Variants in CALN1 observed in about 807,000 individuals in gnomAD.
CALN1 encodes calneuron 1.
A neutral mutation model predicts 30.6 loss-of-function variants in CALN1; 17 were observed. The observed-to-expected ratio is 0.56, with a 90% CI of 0.38 to 0.83. The LOEUF (loss-of-function observed/expected upper bound fraction) is 0.83. Among genes scored for constraint, CALN1 ranks in the 40% least tolerant of loss-of-function variants. CALN1 has a pLI of 0.00. For synonymous variants in CALN1, 156 were observed against 131.4 expected, an observed-to-expected ratio of 1.19 and a Z score of -1.28; for missense variants, 291 against 354.9, an observed-to-expected ratio of 0.82 and a Z score of 1.45.
intron 5 of CALN1, among the ~76,000 whole-genome samples, chr7:71,928,621 C>T (rs901402849): frequency 7.9e-5 from 12 of 152,096 alleles, no homozygotes; most frequent in African/African-American, 2.7e-4. Flanking sequence ...AGTTCACATA[C>T]CATATCTTTC....
At chr7:72,094,826 A>G (rs144150906) in intron 4 of CALN1, among the ~76,000 whole-genome samples, 40 of 152,318 alleles carry the variant, frequency 2.6e-4, no homozygotes, top group African/African-American at 8.7e-4. Context: ...ACTGTCTTCA[A>G]TTCACATCCT....
chr7:72,424,944 T>G (rs539921840), intron 1 of CALN1, among the ~76,000 whole-genome samples: 1 of 151,854 alleles, frequency 6.6e-6, no homozygotes, highest in African/African-American at 2.4e-5. Flanking sequence ...CTCAAGCGGG[T>G]GTAAGGCTGG....
At chr7:72,397,667 GATCTCACT>G (rs1374984322) in intron 2 of CALN1, among the ~76,000 whole-genome samples, 3 of 150,174 alleles carry the variant, frequency 2.0e-5, no homozygotes, top group Non-Finnish European at 4.4e-5. Context: ...TCAAGTGAAG[GATCTCACT>G]GCTCCTCTTG....
chr7:72,177,616 T>G (rs1789451941), intron 3 of CALN1, among the ~76,000 whole-genome samples: 1 of 151,750 alleles, frequency 6.6e-6, no homozygotes, highest in South Asian at 2.1e-4. Context: ...AATACAAAAA[T>G]TAGCTGGGCG....
the CALN1 span, among the ~76,000 whole-genome samples, chr7:72,499,237 G>A: frequency 6.6e-6 from 1 of 152,010 alleles, no homozygotes; most frequent in Non-Finnish European, 1.5e-5. Context: ...CACCATGTTG[G>A]CCAAGCTGGT....
chr7:71,937,460 T>G (rs1353077671), intron 5 of CALN1, among the ~76,000 whole-genome samples: 3 of 151,610 alleles, frequency 2.0e-5, no homozygotes, highest in Non-Finnish European at 4.4e-5. Context: ...TATATATATA[T>G]AGATGTATAA....
At chr7:71,971,930 C>CAAAAAA (rs764756514) in intron 5 of CALN1, among the ~76,000 whole-genome samples, 2 of 38,550 alleles carry the variant, frequency 5.2e-5, no homozygotes, top group African/African-American at 8.8e-5. Context: ...GACCCTGTCT[C>CAAAAAA]AAAAAAAAAA....
chr7:72,235,785 C>G (rs574526101), intron 3 of CALN1, among the ~76,000 whole-genome samples: 1 of 151,952 alleles, frequency 6.6e-6, no homozygotes, highest in East Asian at 1.9e-4. Flanking sequence ...CCATGTAGCC[C>G]TGGAAGGCCA....
At chr7:72,132,113 T>C (rs1021794663) in intron 3 of CALN1, among the ~76,000 whole-genome samples, 6 of 152,204 alleles carry the variant, frequency 3.9e-5, no homozygotes, top group African/African-American at 1.4e-4. Context: ...AATATCGCTC[T>C]ATAGATGCCC....
intron 5 of CALN1, among the ~76,000 whole-genome samples, chr7:71,883,131 ATATC>A (rs1266243115): frequency 1.3e-5 from 2 of 152,070 alleles, no homozygotes; most frequent in Non-Finnish European, 2.9e-5. Flanking sequence ...CTATAGCTCT[ATATC>A]TATATAAATC....
intron 2 of CALN1, among the ~76,000 whole-genome samples, chr7:72,384,256 T>A (rs1805077078): frequency 6.6e-6 from 1 of 151,958 alleles, no homozygotes; most frequent in African/African-American, 2.4e-5. Flanking sequence ...GGGAGGTGAG[T>A]GAATGTCTGC....
chr7:72,050,922 GTGGAGGT>G (rs774827955), intron 4 of CALN1, among the ~76,000 whole-genome samples: 1 of 151,824 alleles, frequency 6.6e-6, no homozygotes, highest in Non-Finnish European at 1.5e-5. Context: ...AACCCAGGAG[GTGGAGGT>G]TGCAGCGAGC....
intron 5 of CALN1, among the ~76,000 whole-genome samples, chr7:71,959,002 T>C (rs1361835950): frequency 6.6e-6 from 1 of 152,212 alleles, no homozygotes; most frequent in Non-Finnish European, 1.5e-5. Context: ...GGCTTTCACA[T>C]GCCTGTATTT....
chr7:71,991,755 A>C (rs1798966953), intron 5 of CALN1, among the ~76,000 whole-genome samples: 1 of 152,260 alleles, frequency 6.6e-6, no homozygotes, highest in Non-Finnish European at 1.5e-5. Flanking sequence ...TTTTACTTAG[A>C]GGAAGGTTGT....
chr7:72,358,519 C>T (rs1803373887), intron 2 of CALN1, among the ~76,000 whole-genome samples: 1 of 152,200 alleles, frequency 6.6e-6, no homozygotes, highest in Non-Finnish European at 1.5e-5. Flanking sequence ...GGTACATGTC[C>T]TAATTCTGGG....
chr7:72,181,096 A>ACCCCCCCCCC (rs199527098), intron 3 of CALN1, among the ~76,000 whole-genome samples: 2 of 74,610 alleles, frequency 2.7e-5, no homozygotes, highest in African/African-American at 1.0e-4. Context: ...AAACTGCATA[A>ACCCCCCCCCC]CCCCCCCCCC....
chr7:72,182,636 C>T (rs1038990524), intron 3 of CALN1, among the ~76,000 whole-genome samples: 1 of 151,904 alleles, frequency 6.6e-6, no homozygotes, highest in Non-Finnish European at 1.5e-5. Context: ...GGGAGAATGG[C>T]TTGAACCTGG....
intron 1 of CALN1, among the ~76,000 whole-genome samples, chr7:72,444,227 C>T (rs1169441381): frequency 6.6e-6 from 1 of 151,858 alleles, no homozygotes; most frequent in Non-Finnish European, 1.5e-5. Context: ...GAGGAAGTAG[C>T]ACATGAAGAG....
At chr7:72,279,977 G>GAC (rs1222378989) in intron 2 of CALN1, among the ~76,000 whole-genome samples, 1 of 152,120 alleles carries the variant, frequency 6.6e-6, no homozygotes, top group African/African-American at 2.4e-5. Flanking sequence ...CTCAACCTGT[G>GAC]AAACCCCTGA....
Sources: gnomAD v4.1 joint callset for allele counts (sites outside exome capture counted in the v4.1 genomes callset) on GRCh38, gnomAD v4.1.1 for gene constraint, MANE v1.5 for transcripts, NCBI Gene and HGNC (gene_info 2026-07-23, HGNC 2026-07-21) for gene names.